The following CHN2 variants were observed in gnomAD, a reference collection of about 807,000 sequenced individuals.
The protein encoded by CHN2 is chimerin 2, also known as beta-chimaerin.
A neutral mutation model predicts 56.3 loss-of-function variants in CHN2; 35 were observed. The ratio of observed to expected loss-of-function variants is 0.62; its 90% CI spans 0.47 to 0.82. The LOEUF (loss-of-function observed/expected upper bound fraction) is 0.82, where lower values mean the gene tolerates loss of function less well. Among genes scored for constraint, CHN2 ranks in the 40% least tolerant of loss-of-function variants. The pLI, the probability that CHN2 is intolerant of heterozygous loss-of-function variation, is 0.00. For missense variants in CHN2, 491 were observed against 580.5 expected, an observed-to-expected ratio of 0.85 and a Z score of 1.58; for synonymous variants, 210 against 212.8, an observed-to-expected ratio of 0.99 and a Z score of 0.12.
intron 3 of CHN2, among the ~76,000 whole-genome samples, chr7:29,373,752 A>G (rs1346090685): frequency 6.6e-6 from 1 of 152,138 alleles, no homozygotes; most frequent in Non-Finnish European, 1.5e-5. Context: ...GCTCGAGGAC[A>G]TTTATCTTGT....
intron 6 of CHN2, among the ~76,000 whole-genome samples, chr7:29,474,234 T>C (rs1229114393): frequency 6.6e-6 from 1 of 152,226 alleles, no homozygotes; most frequent in African/African-American, 2.4e-5. Flanking sequence ...TCTTTGTTAA[T>C]GTCTACATAA....
chr7:29,382,401 G>C (rs1800582129), intron 3 of CHN2, among the ~76,000 whole-genome samples: 1 of 152,162 alleles, frequency 6.6e-6, no homozygotes, highest in African/African-American at 2.4e-5. Flanking sequence ...AGCAGACAGG[G>C]GAACAAGTTT....
intron 2 of CHN2, among the ~76,000 whole-genome samples, chr7:29,164,944 C>T (rs1306587575): frequency 1.3e-5 from 2 of 152,156 alleles, no homozygotes; most frequent in Admixed American, 6.5e-5. Context: ...GTCTTGATTA[C>T]CATAGCTCCA....
At chr7:29,302,541 A>G (rs10228547) in intron 1 of CHN2, among the ~76,000 whole-genome samples, 47,287 of 137,874 alleles carry the variant, frequency 0.34, 8,389 homozygotes, top group African/African-American at 0.43. Flanking sequence ...GGGTCTCACT[A>G]TATTACCCAG....
At chr7:29,235,110 T>C (rs949223715) in intron 1 of CHN2, among the ~76,000 whole-genome samples, 5 of 152,144 alleles carry the variant, frequency 3.3e-5, no homozygotes, top group African/African-American at 1.2e-4. Flanking sequence ...TATTCTGATC[T>C]TTGTTAAAAA....
chr7:29,264,057 G>A lies in CHN2; in HGVS notation c.49+69067G>A, dbSNP rs1168868572. On this transcript the variant is annotated intron_variant, in intron 1 of 12. Transcript: ENST00000222792. ...GGGGGGTGGGGGGCAGCCCCCATCCGGCCGCCGCCCCGTCCGGGAGGTGGG... is the reference window on the plus strand; with the variant it reads ...GGGGGGTGGGGGGCAGCCCCCATCCAGCCGCCGCCCCGTCCGGGAGGTGGG... Among the ~76,000 whole-genome samples the A allele has an allele frequency of 4.7e-5, 7 of 149,756 alleles. No individual in the cohort carries two copies. In the South Asian group the frequency reaches 1.1e-3, roughly 23 times the overall value.
At chr7:29,308,316 G>A (rs780155216) in intron 1 of CHN2, among the ~76,000 whole-genome samples, 4 of 152,032 alleles carry the variant, frequency 2.6e-5, no homozygotes, top group African/African-American at 4.8e-5. Context: ...TCCAAGAACC[G>A]GCTTCTTCCC....
chr7:29,356,406 A>T (rs556867330), intron 2 of CHN2, among the ~76,000 whole-genome samples: 3 of 152,348 alleles, frequency 2.0e-5, no homozygotes, highest in African/African-American at 7.2e-5. Flanking sequence ...AGGGAAATAC[A>T]TAAAACGGAG....
intron 1 of CHN2, among the ~76,000 whole-genome samples, chr7:29,254,546 C>G (rs1788917627): frequency 6.6e-6 from 1 of 152,142 alleles, no homozygotes; most frequent in Non-Finnish European, 1.5e-5. Flanking sequence ...AGAAGCCGCT[C>G]TAAGGAGTTT....
rs1791695085 is a variant in CHN2, at chr7:29,513,210, T to G, written c.*475T>G. 6.4e-6 allele frequency: 1 copy of G among 156,310 alleles called. No individual in the cohort carries two copies. Among genetic ancestry groups the G allele is most frequent in the South Asian group, 1.9e-4 (1 of 5,138 alleles). The allele number at this position is 156,310 out of a possible 1,614,324, so 9.7% of individuals were successfully genotyped here. ...GTTATTTTTAGCAAATAGAACTCAA[T>G]GCAGTGCATTGGTTATTACCCTGTG... On this transcript the variant is annotated 3_prime_UTR_variant, in exon 13 of 13. Coordinates refer to ENST00000222792, the MANE Select transcript of CHN2 (RefSeq NM_004067.4).
At chr7:29,324,756 T>A (rs557499489) in intron 1 of CHN2, among the ~76,000 whole-genome samples, 1 of 152,218 alleles carries the variant, frequency 6.6e-6, no homozygotes, top group Non-Finnish European at 1.5e-5. Flanking sequence ...TAATCCAAGC[T>A]TCTGGGCATT....
At chr7:29,204,068 TGTGTG>T (rs1562828342) in intron 1 of CHN2, among the ~76,000 whole-genome samples, 361 of 13,012 alleles carry the variant, frequency 0.028, 1 homozygote, top group African/African-American at 0.13. Flanking sequence ...TCTCTCTCTC[TGTGTG>T]TGTGTGTGTG....
chr7:29,157,641 C>T (rs1794591963), intron 2 of CHN2, among the ~76,000 whole-genome samples: 3 of 152,178 alleles, frequency 2.0e-5, no homozygotes, highest in African/African-American at 2.4e-5. Flanking sequence ...TGTTATTTCT[C>T]TCCGCTCCAT....
chr7:29,484,075 CTTCTT>C, intron 7 of CHN2: 1 of 427,786 alleles, frequency 2.3e-6, no homozygotes, highest in South Asian at 1.8e-5. Context: ...TCTACCCTCT[CTTCTT>C]CATGGCTTTT....
intron 1 of CHN2, among the ~76,000 whole-genome samples, chr7:29,296,071 G>A (rs1010557939): frequency 6.9e-6 from 1 of 144,072 alleles, no homozygotes; most frequent in South Asian, 2.2e-4. Flanking sequence ...AGGTCTGTCC[G>A]TGTGTAATCA....
At chr7:29,326,657 T>A (rs1258389638) in intron 1 of CHN2, among the ~76,000 whole-genome samples, 2 of 152,214 alleles carry the variant, frequency 1.3e-5, no homozygotes, top group Non-Finnish European at 2.9e-5. Flanking sequence ...TGTCTTTTCC[T>A]ACTAATGGGC....
At chr7:29,294,223 G>A (rs1792938223) in intron 1 of CHN2, among the ~76,000 whole-genome samples, 1 of 152,146 alleles carries the variant, frequency 6.6e-6, no homozygotes, top group African/African-American at 2.4e-5. Flanking sequence ...ACCTGGAACA[G>A]TGCCTAGTAT....
At chr7:29,457,044 C>A (rs1457036066) in intron 6 of CHN2, among the ~76,000 whole-genome samples, 1 of 152,148 alleles carries the variant, frequency 6.6e-6, no homozygotes, top group Non-Finnish European at 1.5e-5. Context: ...ATTAAGGATG[C>A]ACCTCCTGAA....
At chr7:29,356,277 A>T (rs35421053) in intron 2 of CHN2, among the ~76,000 whole-genome samples, 34,928 of 152,124 alleles carry the variant, frequency 0.23, 4,617 homozygotes, top group Non-Finnish European at 0.3. Context: ...CACACACATA[A>T]ATACACATAT....
Sources: allele counts gnomAD v4.1 joint callset (sites outside exome capture counted in the v4.1 genomes callset), GRCh38; gene constraint gnomAD v4.1.1; transcripts MANE v1.5; gene names NCBI Gene and HGNC (gene_info 2026-07-23, HGNC 2026-07-21).